DPYSL2: variants seen among roughly 807,000 people sequenced by gnomAD.
DPYSL2 encodes the protein dihydropyrimidinase-related protein 2.
DPYSL2 carries 13 observed loss-of-function variants against 69.9 expected under a neutral mutation model. The ratio of observed to expected loss-of-function variants is 0.19; its 90% confidence interval spans 0.12 to 0.30. The LOEUF is 0.30. DPYSL2 is among the 10% of genes least tolerant of loss of function. The pLI is 1.00. For missense variants in DPYSL2, 587 were observed against 918.9 expected (o/e 0.64, Z 4.67); for synonymous variants, 326 against 359.1 (o/e 0.91, Z 1.04).
At chr8:26,540,385 C>T (rs1335348369) in intron 1 of DPYSL2, among the ~76,000 whole-genome samples, 1 of 151,968 alleles carries the variant, frequency 6.6e-6, no homozygotes, top group Non-Finnish European at 1.5e-5. Flanking sequence ...TTAAGTGAAC[C>T]AATGCACATA....
At chr8:26,632,507 C>T (rs1802801309) in intron 7 of DPYSL2, among the ~76,000 whole-genome samples, 1 of 152,138 alleles carries the variant, frequency 6.6e-6, no homozygotes, top group African/African-American at 2.4e-5. Flanking sequence ...TGCTCTGTGT[C>T]CCTGGACAGG....
intron 1 of DPYSL2, among the ~76,000 whole-genome samples, chr8:26,537,997 A>G (rs1800623024): frequency 6.6e-6 from 1 of 152,184 alleles, no homozygotes; most frequent in African/African-American, 2.4e-5. Context: ...TCAGTTTGGA[A>G]TCATCCGATG....
intron 1 of DPYSL2, among the ~76,000 whole-genome samples, chr8:26,530,113 C>CAAAAAAAAAAAAAAA (rs34448431): frequency 1.4e-5 from 1 of 72,034 alleles, no homozygotes; most frequent in Non-Finnish European, 2.4e-5. Context: ...ACTCCGTCTC[C>CAAAAAAAAAAAAAAA]AAAAAAAAAA....
At chr8:26,635,808 T>G (rs916452511) in intron 8 of DPYSL2, among the ~76,000 whole-genome samples, 4 of 152,210 alleles carry the variant, frequency 2.6e-5, no homozygotes, top group Non-Finnish European at 5.9e-5. Context: ...ATCTTTCATT[T>G]GACTCTTTCT....
At chr8:26,602,138 A>ATTTTTTTTTTTTTTTTTTTTTTTTTTTT (rs374443692) in intron 3 of DPYSL2, among the ~76,000 whole-genome samples, 2 of 135,300 alleles carry the variant, frequency 1.5e-5, no homozygotes, top group African/African-American at 5.5e-5. Flanking sequence ...AACAAAGGAA[A>ATTTTTTTTTTTTTTTTTTTTTTTTTTTT]TTTTTTTTTT....
intron 3 of DPYSL2, among the ~76,000 whole-genome samples, chr8:26,607,895 C>A (rs989124828): frequency 6.6e-6 from 1 of 151,784 alleles, no homozygotes; most frequent in Admixed American, 6.6e-5. Flanking sequence ...CTGGCTAACA[C>A]GGTGAAACCC....
At chr8:26,555,327 C>T (rs1800928161) in intron 1 of DPYSL2, among the ~76,000 whole-genome samples, 2 of 152,122 alleles carry the variant, frequency 1.3e-5, no homozygotes, top group South Asian at 4.1e-4. Context: ...TTGCATATGA[C>T]ATCACTGCCT....
At chr8:26,590,930 T>C (rs943501769) in intron 3 of DPYSL2, among the ~76,000 whole-genome samples, 8 of 152,226 alleles carry the variant, frequency 5.3e-5, no homozygotes, top group Admixed American at 5.2e-4. Flanking sequence ...GTTAGGAACT[T>C]CTAGGCCCTT....
chr8:26,601,829 A>T (rs1265671834), intron 3 of DPYSL2, among the ~76,000 whole-genome samples: 1 of 152,228 alleles, frequency 6.6e-6, no homozygotes, highest in East Asian at 1.9e-4. Context: ...AGTACTTGAC[A>T]TTTATATATA....
chr8:26,569,379 A>AAC (rs1801203047), intron 1 of DPYSL2, among the ~76,000 whole-genome samples: 1 of 150,708 alleles, frequency 6.6e-6, no homozygotes, highest in Non-Finnish European at 1.5e-5. Flanking sequence ...AACAAAAACA[A>AAC]AAAAAAACCA....
Position 26,644,221 on chromosome 8 carries a change from T to A in DPYSL2, c.1425+130T>A. On this transcript the variant is annotated intron_variant, in intron 10 of 13. Transcript: ENST00000521913. The surrounding 1 kb of genome is among the most constrained non-coding windows in gnomAD (Gnocchi z 4.5). ...GACATCCTAGAAGCCAGTACTTATA[T>A]GACAATATTTCTGAGGGTTGGAAAT... The A allele has an allele frequency of 9.0e-7, 1 of 1,107,016 alleles. No homozygotes were observed. Among genetic ancestry groups the A allele is most frequent in the Non-Finnish European group, 1.2e-6 (1 of 808,348 alleles). 68.6% of individuals were successfully genotyped at this position (1,107,016 alleles called of 1,614,324 possible).
At chr8:26,573,386 T>C (rs552166823) in intron 1 of DPYSL2, among the ~76,000 whole-genome samples, 2 of 152,190 alleles carry the variant, frequency 1.3e-5, no homozygotes, top group African/African-American at 4.8e-5. Flanking sequence ...TACCTGGGCG[T>C]GGCCGGGCGC....
intron 1 of DPYSL2, among the ~76,000 whole-genome samples, chr8:26,546,298 G>A (rs1310574742): frequency 6.6e-6 from 1 of 152,080 alleles, no homozygotes; most frequent in African/African-American, 2.4e-5. Context: ...CTTATTCATT[G>A]TTGCTATACA....
rs918123844 is a variant in DPYSL2, at chr8:26,650,532, G to A, written c.1597-1725G>A. On this transcript the variant is annotated intron_variant, in intron 11 of 13. Coordinates refer to ENST00000521913, the MANE Select transcript of DPYSL2 (RefSeq NM_001197293.3). The surrounding 1 kb of genome is among the most constrained non-coding windows in gnomAD (Gnocchi z 5.3). ...AGATGAAGAAACTGAAGCTGAGACA[G>A]GATTAAAGCAATCTCCCCAGAGTCA... Among the ~76,000 whole-genome samples the A allele has an allele frequency of 2.6e-5, 4 of 152,168 alleles. No homozygotes were observed. Among genetic ancestry groups the A allele is most frequent in the Admixed American group, 2.6e-4 (4 of 15,282 alleles).
chr8:26,615,744 A>G (rs1585548348), intron 3 of DPYSL2, among the ~76,000 whole-genome samples: 1 of 152,134 alleles, frequency 6.6e-6, no homozygotes, highest in African/African-American at 2.4e-5. Context: ...AAATGCTGGG[A>G]TGTATGTTAT....
intron 1 of DPYSL2, among the ~76,000 whole-genome samples, chr8:26,568,832 C>T (rs1344205393): frequency 6.6e-6 from 1 of 152,154 alleles, no homozygotes; most frequent in African/African-American, 2.4e-5. Flanking sequence ...GCGGTATTTT[C>T]TGGCTGTGGT....
intron 1 of DPYSL2, among the ~76,000 whole-genome samples, chr8:26,525,500 G>A (rs920529324): frequency 1.3e-5 from 2 of 152,172 alleles, no homozygotes; most frequent in African/African-American, 2.4e-5. Context: ...GGGATTACAG[G>A]CATTAGTCAT....
chr8:26,634,296 A>T (rs576432690), intron 7 of DPYSL2, among the ~76,000 whole-genome samples: 1 of 152,158 alleles, frequency 6.6e-6, no homozygotes, highest in Non-Finnish European at 1.5e-5. Flanking sequence ...ACTTAGTCTC[A>T]CTTTGTTGCC....
In DPYSL2 at chr8:26,643,846, A is replaced by G; in HGVS notation, c.1284-104A>G. 4.1e-6 allele frequency: 6 copies of G among 1,449,440 alleles called. No individual in the cohort carries two copies. The highest frequency in any genetic ancestry group is 5.6e-6 in the Non-Finnish European group (6 of 1,077,818). 89.8% of individuals were successfully genotyped at this position (1,449,440 alleles called of 1,614,324 possible). Reference sequence around the variant, plus strand: ...GGAGAGGAGGCGTCAAAAGGACTCCACTTGGGTTGGTGTGATGCCATTCAT... The same window carrying G: ...GGAGAGGAGGCGTCAAAAGGACTCCGCTTGGGTTGGTGTGATGCCATTCAT... On this transcript the variant is annotated intron_variant, in intron 9 of 13. Transcript: ENST00000521913. The surrounding 1 kb of genome is among the most constrained non-coding windows in gnomAD (Gnocchi z 6.5).
Sources: gnomAD v4.1 joint callset for allele counts (sites outside exome capture counted in the v4.1 genomes callset) on GRCh38, gnomAD v4.1.1 for gene constraint, Gnocchi (gnomAD v3.1) non-coding constraint, MANE v1.5 for transcripts, NCBI Gene and HGNC (gene_info 2026-07-23, HGNC 2026-07-21) for gene names.